HERC4: variants seen among roughly 807,000 people sequenced by gnomAD.
The protein encoded by HERC4 is HECT and RLD domain containing E3 ubiquitin protein ligase 4, also known as probable E3 ubiquitin-protein ligase HERC4.
In HERC4, 28 loss-of-function variants were observed where a neutral mutation model predicts 124.3. The observed-to-expected ratio is 0.23, with a 90% CI of 0.17 to 0.31. HERC4 has a LOEUF of 0.31. Among genes scored for constraint, HERC4 ranks in the 10% least tolerant of loss-of-function variants. HERC4 has a pLI of 1.00. For synonymous variants in HERC4, 407 were observed against 421.5 expected, an observed-to-expected ratio of 0.97 and a Z score of 0.42; for missense variants, 713 against 1,229.3, an observed-to-expected ratio of 0.58 and a Z score of 6.28.
chr10:68,048,970 C>T (rs1262152102), intron 3 of HERC4, among the ~76,000 whole-genome samples: 1 of 152,110 alleles, frequency 6.6e-6, no homozygotes, highest in Non-Finnish European at 1.5e-5. Flanking sequence ...CAAAACAGTA[C>T]AACCTCTATG....
At chr10:67,926,267 C>T (rs141835695) in intron 23 of HERC4, among the ~76,000 whole-genome samples, 14,674 of 151,902 alleles carry the variant, frequency 0.097, 915 homozygotes, top group Middle Eastern at 0.18. Context: ...TGGTGGCAGG[C>T]GCCTGTAATC....
intron 3 of HERC4, chr10:68,070,443 T>G (rs572105379): frequency 1.9e-3 from 366 of 190,398 alleles, no homozygotes; most frequent in Non-Finnish European, 3.3e-3. Flanking sequence ...CCCATCTCCA[T>G]TAAAATATGA....
At chr10:68,033,476 A>T (rs2039312704) in intron 6 of HERC4, among the ~76,000 whole-genome samples, 1 of 152,350 alleles carries the variant, frequency 6.6e-6, no homozygotes, top group East Asian at 1.9e-4. Context: ...CATGAAAAAT[A>T]AGTTCCAAGA....
chr10:68,074,296 G>A (rs2041706770), intron 1 of HERC4: 1 of 152,150 alleles, frequency 6.6e-6, no homozygotes, highest in Admixed American at 6.5e-5. Context: ...CAGAGCCTGC[G>A]AAGTTTCAAC....
In HERC4 at chr10:67,992,330, T is replaced by A; in HGVS notation, c.1147-7A>T. 9.9e-6 allele frequency: 16 copies of A among 1,612,594 alleles called. No individual in the cohort carries two copies. The highest frequency in any genetic ancestry group is 1.3e-5 in the Non-Finnish European group (15 of 1,179,052). On this transcript the variant is annotated splice_region_variant and splice_polypyrimidine_tract_variant and intron_variant, in intron 10 of 24. Coordinates refer to ENST00000373700, the MANE Select transcript of HERC4 (RefSeq NM_015601.4). ...CATCTGGTGGCCCACAGTTCTAAATTTTCAAATAAGATTAGTCAGAGGGAA... is the reference window on the plus strand; with the variant it reads ...CATCTGGTGGCCCACAGTTCTAAATATTCAAATAAGATTAGTCAGAGGGAA...
intron 8 of HERC4, among the ~76,000 whole-genome samples, chr10:68,016,353 T>A (rs1000949899): frequency 2.0e-5 from 3 of 152,152 alleles, no homozygotes; most frequent in East Asian, 1.9e-4. Context: ...ATTTCTTTTT[T>A]AAAAATTTTA....
chr10:68,010,312 CA>C, intron 9 of HERC4: 1 of 948,932 alleles, frequency 1.1e-6, no homozygotes, highest in Non-Finnish European at 1.6e-6. Context: ...CCTGGGGTAC[CA>C]AAATGGGAGC....
intron 8 of HERC4, among the ~76,000 whole-genome samples, chr10:68,015,887 G>A (rs540571021): frequency 6.6e-6 from 1 of 152,236 alleles, no homozygotes; most frequent in Non-Finnish European, 1.5e-5. Flanking sequence ...TGGATCACTT[G>A]AGGTCAGGAG....
rs2041269492 is a variant in HERC4 at position 68,065,752 on chromosome 10, C to T, written c.226+7131G>A. 3.3e-5 allele frequency among the ~76,000 whole-genome samples: 5 copies of T among 151,996 alleles called. No homozygotes were observed. In the South Asian group the frequency reaches 1.0e-3, roughly 31 times the overall value. The stretch of plus-strand genomic sequence containing the variant: ...GCATGCACATGTGGTCCCAGCTACT[C>T]AGCAGGCTGAGATAAGAGGATTCCT... On this transcript the variant is annotated intron_variant, in intron 3 of 24. Transcript: ENST00000373700.
At chr10:68,000,419 A>T (rs1026030590) in intron 9 of HERC4, among the ~76,000 whole-genome samples, 20 of 152,036 alleles carry the variant, frequency 1.3e-4, no homozygotes, top group Non-Finnish European at 5.9e-5. Flanking sequence ...CTCTACAAAA[A>T]ATACAAAAAG....
chr10:67,957,811 CA>C (rs1451676974), intron 16 of HERC4, among the ~76,000 whole-genome samples: 1 of 151,956 alleles, frequency 6.6e-6, no homozygotes, highest in African/African-American at 2.4e-5. Flanking sequence ...TCTGAATCTG[CA>C]TTTTTTTTTC....
chr10:68,006,380 T>TGTTTTTG (rs202190636), intron 9 of HERC4, among the ~76,000 whole-genome samples: 3 of 150,208 alleles, frequency 2.0e-5, no homozygotes, highest in East Asian at 4.1e-4. Context: ...TTTTTGTTTT[T>TGTTTTTG]TTTTTTTTTT....
intron 19 of HERC4, 139 bp downstream of exon 19, chr10:67,954,456 T>C (rs2034008954): frequency 1.7e-6 from 1 of 600,546 alleles, no homozygotes; most frequent in East Asian, 3.1e-5. Flanking sequence ...AAGTTTATAA[T>C]TTCTCAAATT....
intron 9 of HERC4, among the ~76,000 whole-genome samples, chr10:67,999,493 T>G (rs996170597): frequency 6.6e-6 from 1 of 152,174 alleles, no homozygotes; most frequent in East Asian, 1.9e-4. Flanking sequence ...TGTGAAACAA[T>G]GTATACATCA....
rs2039756620 is a variant in HERC4, at chr10:68,041,319, T to C, written c.386+3085A>G. Among the ~76,000 whole-genome samples the C allele has an allele frequency of 3.9e-5, 6 of 152,154 alleles. No homozygotes were observed. In the South Asian group the frequency reaches 1.2e-3, roughly 31 times the overall value. On this transcript the variant is annotated intron_variant, in intron 4 of 24. Coordinates refer to ENST00000373700, the MANE Select transcript of HERC4 (RefSeq NM_015601.4). ...TCATTTCAATTTTGAAAAATTTATCTCAGAATAGGGGAGTAGATTTTTAAA... is the reference window on the plus strand; with the variant it reads ...TCATTTCAATTTTGAAAAATTTATCCCAGAATAGGGGAGTAGATTTTTAAA...
intron 21 of HERC4, among the ~76,000 whole-genome samples, chr10:67,936,589 GA>G (rs1222412923): frequency 1.3e-5 from 2 of 152,200 alleles, no homozygotes; most frequent in African/African-American, 4.8e-5. Flanking sequence ...ATTCAGCTTA[GA>G]AAACCATGCA....
chr10:67,988,591 T>G lies in HERC4; in HGVS notation c.1806+72A>C, dbSNP rs1030214784. ...CCAATCTAAATCTTTAATAGATTAA[T>G]GTTAAAATGAACAGTATCAATCTGT... On this transcript the variant is annotated intron_variant, in intron 15 of 24. Transcript: ENST00000373700. 3.1e-6 allele frequency: 3 copies of G among 980,852 alleles called. No homozygotes were observed. In the East Asian group the frequency reaches 8.3e-5, roughly 27 times the overall value. The allele number at this position is 980,852 out of a possible 1,614,324, so 60.8% of individuals were successfully genotyped here.
chr10:67,971,186 G>T (rs534117723), intron 15 of HERC4, among the ~76,000 whole-genome samples: 31 of 151,958 alleles, frequency 2.0e-4, no homozygotes, highest in Admixed American at 1.8e-3. Context: ...GGGCCAAAAT[G>T]GTTTCACTGA....
intron 9 of HERC4, among the ~76,000 whole-genome samples, chr10:68,012,876 A>G (rs981367916): frequency 2.0e-5 from 3 of 152,162 alleles, no homozygotes; most frequent in Non-Finnish European, 4.4e-5. Context: ...TTTCATTATT[A>G]TTTTATCTTT....
Sources: gnomAD v4.1 joint callset for allele counts (sites outside exome capture counted in the v4.1 genomes callset) on GRCh38, gnomAD v4.1.1 for gene constraint, MANE v1.5 for transcripts, NCBI Gene and HGNC (gene_info 2026-07-23, HGNC 2026-07-21) for gene names.